VWA8: variants seen among roughly 807,000 people sequenced by gnomAD.
The protein encoded by VWA8 is von Willebrand factor A domain-containing protein 8.
Under a neutral mutation model 241.5 loss-of-function variants are expected in VWA8, and 221 were observed. That is an observed-to-expected ratio of 0.91 (90% CI 0.82 to 1.02). The LOEUF (loss-of-function observed/expected upper bound fraction) is 1.02. VWA8 is among the 50% of genes least tolerant of loss of function. The pLI is 0.00. For synonymous variants in VWA8, 852 were observed against 827.1 expected (o/e 1.03, Z -0.52); for missense variants, 2,322 against 2,328.7 (o/e 1.00, Z 0.06).
At chr13:41,863,188 T>TATATATATATACACACACACACAC (rs1566485237) in intron 12 of VWA8, among the ~76,000 whole-genome samples, 1 of 151,346 alleles carries the variant, frequency 6.6e-6, no homozygotes, top group African/African-American at 2.4e-5. Flanking sequence ...AAGACGGGTC[T>TATATATATATACACACACACACAC]AGCCTCCCAG....
intron 17 of VWA8, 106 bp from the exon 18 acceptor site, chr13:41,787,649 T>C: frequency 1.5e-6 from 1 of 687,174 alleles, no homozygotes; most frequent in Admixed American, 2.7e-5. Context: ...CCTTACTAAT[T>C]ACAACTAATT....
At chr13:41,697,198 C>A (rs1213441114) in intron 29 of VWA8, among the ~76,000 whole-genome samples, 1 of 150,482 alleles carries the variant, frequency 6.6e-6, no homozygotes, top group Non-Finnish European at 1.5e-5. Flanking sequence ...GTTTGGAAAT[C>A]CTGTTGGTTC....
intron 20 of VWA8, among the ~76,000 whole-genome samples, chr13:41,763,007 C>G (rs529606138): frequency 6.6e-6 from 1 of 152,060 alleles, no homozygotes; most frequent in African/African-American, 2.4e-5. Context: ...ATGACTCACA[C>G]CAGTAATCCC....
chr13:41,917,375 T>C (rs1443916253), intron 2 of VWA8, among the ~76,000 whole-genome samples: 1 of 152,230 alleles, frequency 6.6e-6, no homozygotes, highest in African/African-American at 2.4e-5. Flanking sequence ...TCCATGTCCT[T>C]AGACAAGCAT....
chr13:41,670,477 T>TA (rs1411033805), intron 37 of VWA8, among the ~76,000 whole-genome samples: 1 of 152,038 alleles, frequency 6.6e-6, no homozygotes, highest in East Asian at 1.9e-4. Flanking sequence ...AGGAAGTTGA[T>TA]AAAAAACGTT....
intron 20 of VWA8, among the ~76,000 whole-genome samples, chr13:41,769,143 G>A (rs1478680800): frequency 6.6e-6 from 1 of 152,182 alleles, no homozygotes; most frequent in Non-Finnish European, 1.5e-5. Context: ...CTGGGATCAA[G>A]GCATCCGCCT....
intron 37 of VWA8, among the ~76,000 whole-genome samples, chr13:41,650,761 A>G: frequency 6.6e-6 from 1 of 152,186 alleles, no homozygotes; most frequent in East Asian, 1.9e-4. Context: ...GTCAGAGATC[A>G]CAGCATGATC....
At chr13:41,807,920 C>T (rs1359847972) in intron 17 of VWA8, 2 of 152,086 alleles carry the variant, frequency 1.3e-5, no homozygotes, top group African/African-American at 4.8e-5. Flanking sequence ...AGGGAGATCG[C>T]GCCTGTGAAT....
At chr13:41,609,674 ATCTTTCTCTTGG>A (rs2044574936) in intron 39 of VWA8, among the ~76,000 whole-genome samples, 1 of 152,160 alleles carries the variant, frequency 6.6e-6, no homozygotes, top group Non-Finnish European at 1.5e-5. Flanking sequence ...AGAAAGCAAC[ATCTTTCTCTTGG>A]TGTTTTGCTG....
intron 31 of VWA8, 64 bp from the exon 32 acceptor site, chr13:41,691,509 T>C (rs1257258492): frequency 1.9e-6 from 3 of 1,572,822 alleles, no homozygotes; most frequent in African/African-American, 2.7e-5. Context: ...TAATCTGGCA[T>C]AATCATTTCA....
At chr13:41,697,518 G>C (rs1455754039) in intron 29 of VWA8, among the ~76,000 whole-genome samples, 1 of 152,148 alleles carries the variant, frequency 6.6e-6, no homozygotes, top group Non-Finnish European at 1.5e-5. Flanking sequence ...GGGGAGGTGG[G>C]GTGGGGGCTG....
intron 21 of VWA8, among the ~76,000 whole-genome samples, chr13:41,748,658 G>A (rs1449070786): frequency 2.0e-5 from 3 of 152,170 alleles, no homozygotes; most frequent in Non-Finnish European, 4.4e-5. Context: ...TACCAAAACA[G>A]AGATATAGAC....
At chr13:41,702,075 C>G (rs893889277) in intron 27 of VWA8, among the ~76,000 whole-genome samples, 1 of 152,200 alleles carries the variant, frequency 6.6e-6, no homozygotes, top group South Asian at 2.1e-4. Flanking sequence ...TAGAGTATTT[C>G]ACACATGGTG....
rs144591887 is a variant in VWA8, at chr13:41,848,227, G to A, written c.1426-14696C>T. ...GAATTGCTACTCCATGGAAGACACT[G>A]TGCAGCAGGAAGCCAAACATTTGTT... On this transcript the variant is annotated intron_variant, in intron 12 of 44. Coordinates refer to ENST00000379310, the MANE Select transcript of VWA8 (RefSeq NM_015058.2). Among the ~76,000 whole-genome samples, 78 of 152,340 alleles carry A rather than the reference G, an allele frequency of 5.1e-4. 1 individual carries two copies. The highest frequency in any genetic ancestry group is 1.7e-3 in the African/African-American group (72 of 41,572).
chr13:41,574,176 A>G (rs1164243916), intron 43 of VWA8, among the ~76,000 whole-genome samples: 2 of 140,916 alleles, frequency 1.4e-5, no homozygotes, highest in Admixed American at 1.4e-4. Flanking sequence ...GTTTTCTGTA[A>G]AAAAAAAAAA....
At chr13:41,768,964 C>T (rs1234760391) in intron 20 of VWA8, among the ~76,000 whole-genome samples, 1 of 149,672 alleles carries the variant, frequency 6.7e-6, no homozygotes, top group Non-Finnish European at 1.5e-5. Context: ...AGTTAGTGAC[C>T]TAATCTTGGC....
chr13:41,691,515 T>C, intron 31 of VWA8, 70 bp from the exon 32 acceptor site: 9 of 1,545,088 alleles, frequency 5.8e-6, no homozygotes, highest in Non-Finnish European at 7.0e-6. Context: ...GGCATAATCA[T>C]TTCATGATAC....
chr13:41,689,282 C>T, intron 34 of VWA8, 72 bp downstream of exon 34: 2 of 1,442,360 alleles, frequency 1.4e-6, no homozygotes. Context: ...ACCCCTCAAA[C>T]AGGCTTACAG....
chr13:41,763,689 C>T (rs2137910034), intron 20 of VWA8, among the ~76,000 whole-genome samples: 1 of 152,150 alleles, frequency 6.6e-6, no homozygotes, highest in African/African-American at 2.4e-5. Context: ...TTCAGCAATC[C>T]TAGGAAAAGC....
Sources: allele counts gnomAD v4.1 joint callset (sites outside exome capture counted in the v4.1 genomes callset), GRCh38; gene constraint gnomAD v4.1.1; transcripts MANE v1.5; gene names NCBI Gene and HGNC (gene_info 2026-07-23, HGNC 2026-07-21).